ITFG1: variants seen among roughly 807,000 people sequenced by gnomAD.
ITFG1 encodes the protein integrin alpha FG-GAP repeat containing 1.
Under a neutral mutation model 81.8 loss-of-function variants are expected in ITFG1, and 34 were observed. The observed-to-expected ratio is 0.42, with a 90% CI of 0.32 to 0.55. The LOEUF is 0.55. Ranked by LOEUF, ITFG1 falls within the 20% of genes least tolerant of loss-of-function variation. The pLI is 0.17. For missense variants in ITFG1, 672 were observed against 755.4 expected, an observed-to-expected ratio of 0.89 and a Z score of 1.29; for synonymous variants, 285 against 270.6, an observed-to-expected ratio of 1.05 and a Z score of -0.52.
At chr16:47,376,943 C>T (rs1310556519) in intron 6 of ITFG1, among the ~76,000 whole-genome samples, 3 of 108,524 alleles carry the variant, frequency 2.8e-5, no homozygotes, top group Admixed American at 1.4e-4. Context: ...AGCCTGGAGA[C>T]AGAGGGAGAC....
chr16:47,346,740 C>T (rs1456390314), intron 8 of ITFG1, among the ~76,000 whole-genome samples: 2 of 152,018 alleles, frequency 1.3e-5, no homozygotes, highest in Non-Finnish European at 2.9e-5. Flanking sequence ...TTTAAACAGG[C>T]CAATGAGCAA....
intron 8 of ITFG1, among the ~76,000 whole-genome samples, chr16:47,333,059 T>G (rs1018543099): frequency 6.6e-6 from 1 of 152,132 alleles, no homozygotes; most frequent in Admixed American, 6.5e-5. Flanking sequence ...AAATATACAA[T>G]GCCCAAAGCT....
intron 13 of ITFG1, among the ~76,000 whole-genome samples, chr16:47,223,914 A>G (rs1206922528): frequency 6.6e-6 from 1 of 152,140 alleles, no homozygotes; most frequent in African/African-American, 2.4e-5. Context: ...TGTCCTTTGT[A>G]GGGACATGGA....
chr16:47,337,224 T>C (rs931230325), intron 8 of ITFG1, among the ~76,000 whole-genome samples: 2 of 151,908 alleles, frequency 1.3e-5, no homozygotes, highest in African/African-American at 2.4e-5. Flanking sequence ...TGATATCCTC[T>C]TGTGGAAATT....
intron 14 of ITFG1, among the ~76,000 whole-genome samples, chr16:47,198,340 C>T (rs1357817981): frequency 1.3e-5 from 2 of 152,094 alleles, no homozygotes; most frequent in Non-Finnish European, 2.9e-5. Context: ...CTGAAAAATT[C>T]CTATGGCCTA....
intron 10 of ITFG1, among the ~76,000 whole-genome samples, chr16:47,289,361 CT>C (rs1304082743): frequency 6.6e-6 from 1 of 152,104 alleles, no homozygotes; most frequent in Non-Finnish European, 1.5e-5. Context: ...TAATGGTGAC[CT>C]TGTATAATGA....
At chr16:47,319,264 A>C (rs1482017077) in intron 8 of ITFG1, among the ~76,000 whole-genome samples, 2 of 152,354 alleles carry the variant, frequency 1.3e-5, no homozygotes, top group African/African-American at 4.8e-5. Context: ...AGCTCATTGC[A>C]GATAAAAGTT....
chr16:47,343,101 A>G (rs1967806092), intron 8 of ITFG1, among the ~76,000 whole-genome samples: 1 of 152,150 alleles, frequency 6.6e-6, no homozygotes, highest in African/African-American at 2.4e-5. Flanking sequence ...AACTTACTAA[A>G]AACTACAGTA....
intron 5 of ITFG1, among the ~76,000 whole-genome samples, chr16:47,429,925 G>A (rs1445081185): frequency 1.3e-5 from 2 of 151,840 alleles, no homozygotes; most frequent in Non-Finnish European, 2.9e-5. Flanking sequence ...GCCTCTCAAA[G>A]GGCTGGGATT....
intron 8 of ITFG1, among the ~76,000 whole-genome samples, chr16:47,326,297 T>C (rs1196074468): frequency 6.6e-6 from 1 of 152,124 alleles, no homozygotes; most frequent in Admixed American, 6.6e-5. Flanking sequence ...AAACTCTCAA[T>C]AAATTAGGTA....
At chr16:47,348,892 TG>T (rs1261783142) in intron 8 of ITFG1, among the ~76,000 whole-genome samples, 1 of 151,968 alleles carries the variant, frequency 6.6e-6, no homozygotes, top group Non-Finnish European at 1.5e-5. Context: ...CAGAAGAGAG[TG>T]GGGGCCAATA....
chr16:47,376,099 A>AT (rs1264872479), intron 6 of ITFG1, among the ~76,000 whole-genome samples, 159 bp from the exon 7 acceptor site: 1 of 152,102 alleles, frequency 6.6e-6, no homozygotes, highest in African/African-American at 2.4e-5. Context: ...TAAAAAAAAA[A>AT]GCAGATGACC....
chr16:47,322,016 G>T (rs1967455805), intron 8 of ITFG1, among the ~76,000 whole-genome samples: 1 of 152,158 alleles, frequency 6.6e-6, no homozygotes. Context: ...AAAGAATTAT[G>T]AATATGTACA....
At chr16:47,307,529 T>C (rs1013083871) in intron 10 of ITFG1, among the ~76,000 whole-genome samples, 3 of 152,148 alleles carry the variant, frequency 2.0e-5, no homozygotes, top group African/African-American at 7.2e-5. Flanking sequence ...ACTAATGAAG[T>C]TGGAGTTGGT....
intron 8 of ITFG1, among the ~76,000 whole-genome samples, chr16:47,314,364 C>T (rs912835873): frequency 2.0e-5 from 3 of 152,012 alleles, no homozygotes; most frequent in Non-Finnish European, 2.9e-5. Context: ...GTATTTTAAA[C>T]GTGAGACTCT....
intron 17 of ITFG1, among the ~76,000 whole-genome samples, chr16:47,156,591 T>C (rs756410429): frequency 1.3e-5 from 2 of 152,204 alleles, no homozygotes; most frequent in Non-Finnish European, 2.9e-5. Context: ...ACATATTGTA[T>C]AACTGTAGTT....
intron 14 of ITFG1, among the ~76,000 whole-genome samples, chr16:47,217,078 C>T (rs890916708): frequency 1.3e-5 from 2 of 151,432 alleles, no homozygotes; most frequent in Non-Finnish European, 2.9e-5. Flanking sequence ...ACAAAATAGC[C>T]CCCAAAGAAA....
intron 10 of ITFG1, among the ~76,000 whole-genome samples, chr16:47,277,335 C>A (rs956813152): frequency 2.0e-5 from 3 of 152,052 alleles, no homozygotes; most frequent in Non-Finnish European, 4.4e-5. Context: ...CAGGACCAGC[C>A]CCCAGTACCC....
chr16:47,228,355 T>A (rs1423371943), intron 13 of ITFG1, among the ~76,000 whole-genome samples: 1 of 120,576 alleles, frequency 8.3e-6, no homozygotes, highest in East Asian at 2.0e-4. Flanking sequence ...ATAAGAAGGT[T>A]TTTTTTTTGT....
Sources: allele counts gnomAD v4.1 joint callset (sites outside exome capture counted in the v4.1 genomes callset), GRCh38; gene constraint gnomAD v4.1.1; transcripts MANE v1.5; gene names NCBI Gene and HGNC (gene_info 2026-07-23, HGNC 2026-07-21).